Variants in CECR2 observed in about 807,000 individuals in gnomAD.
The protein encoded by CECR2 is chromatin remodeling regulator CECR2.
In CECR2, 30 loss-of-function variants were observed where a neutral mutation model predicts 154.5. That is an observed-to-expected ratio of 0.19 (90% CI 0.15 to 0.26). CECR2 has a LOEUF of 0.26. Among genes scored for constraint, CECR2 ranks in the 10% least tolerant of loss-of-function variants. The pLI is 1.00. For missense variants in CECR2, 1,743 were observed against 1,829.3 expected (o/e 0.95, Z 0.86); for synonymous variants, 725 against 683.7 (o/e 1.06, Z -0.94).
chr22:17,538,095 G>A (rs1249638519), intron 10 of CECR2, among the ~76,000 whole-genome samples: 4 of 152,128 alleles, frequency 2.6e-5, no homozygotes, highest in Admixed American at 6.5e-5. Context: ...GCACACACCC[G>A]TAGTCCCAAC....
intron 1 of CECR2, 152 bp from the exon 2 acceptor site, chr22:17,477,436 A>G: frequency 1.6e-6 from 1 of 625,124 alleles, no homozygotes; most frequent in South Asian, 1.9e-5. Context: ...CTCTTCTCAC[A>G]GTAGCCAGAA....
intron 16 of CECR2, among the ~76,000 whole-genome samples, chr22:17,546,846 C>G (rs2056621801): frequency 6.6e-6 from 1 of 151,882 alleles, no homozygotes; most frequent in Non-Finnish European, 1.5e-5. Context: ...TGAGACCAGC[C>G]TGGCCAACAT....
At chr22:17,412,781 T>C (rs920203422) in intron 1 of CECR2, among the ~76,000 whole-genome samples, 1 of 152,120 alleles carries the variant, frequency 6.6e-6, no homozygotes, top group African/African-American at 2.4e-5. Context: ...GGCGGCCTTC[T>C]GGGTGAGGGG....
At chr22:17,488,593 G>T (rs924205903) in intron 2 of CECR2, among the ~76,000 whole-genome samples, 3 of 152,032 alleles carry the variant, frequency 2.0e-5, no homozygotes, top group African/African-American at 7.2e-5. Flanking sequence ...TTCACATAGT[G>T]CCTGTATGAT....
At chr22:17,491,272 C>A (rs552468827) in intron 2 of CECR2, among the ~76,000 whole-genome samples, 2 of 151,988 alleles carry the variant, frequency 1.3e-5, no homozygotes, top group African/African-American at 4.8e-5. Flanking sequence ...TGCAACTTGG[C>A]GAAACTTCCA....
chr22:17,380,206 A>G (rs767623508), intron 1 of CECR2, among the ~76,000 whole-genome samples: 20 of 152,222 alleles, frequency 1.3e-4, no homozygotes, highest in South Asian at 4.1e-4. Flanking sequence ...TGTGAAGTCA[A>G]TCAGTTCTAC....
upstream of CECR2, among the ~76,000 whole-genome samples, chr22:17,367,974 T>G (rs1437544732): frequency 2.6e-5 from 4 of 152,188 alleles, no homozygotes; most frequent in Non-Finnish European, 4.4e-5. Context: ...ATCAAATAGT[T>G]CCAGGGAATG....
intron 1 of CECR2, among the ~76,000 whole-genome samples, chr22:17,425,188 T>C (rs1170959736): frequency 6.6e-6 from 1 of 152,080 alleles, no homozygotes; most frequent in Non-Finnish European, 1.5e-5. Flanking sequence ...CCTTTTAGCG[T>C]CCAAGTGTAG....
intron 1 of CECR2, among the ~76,000 whole-genome samples, chr22:17,381,129 A>G (rs1043991468): frequency 2.0e-5 from 3 of 152,098 alleles, no homozygotes; most frequent in African/African-American, 7.2e-5. Context: ...TTTAAAGAAA[A>G]AATTTCACCT....
At chr22:17,470,173 C>T (rs532426182) in intron 1 of CECR2, among the ~76,000 whole-genome samples, 3 of 152,112 alleles carry the variant, frequency 2.0e-5, no homozygotes, top group South Asian at 4.2e-4. Context: ...CATGGTGGCT[C>T]ACGCATGTAA....
intron 8 of CECR2, chr22:17,518,589 C>T: frequency 2.9e-6 from 1 of 343,350 alleles, no homozygotes; most frequent in Non-Finnish European, 5.8e-6. Flanking sequence ...TTGCAGCTGT[C>T]ACGTCTATCT....
Position 17,548,995 on chromosome 22 carries a change from C to T in CECR2, c.3708C>T (p.Leu1236=), listed in dbSNP as rs776046779. 6.2e-7 allele frequency: 1 copy of T among 1,614,014 alleles called. No homozygotes were observed. The highest frequency in any genetic ancestry group is 2.2e-5 in the East Asian group (1 of 44,882). ...PASQPPPPRS[L]FSDKNAMASL... is the part of the protein sequence containing the mutation. ...GTCAGCCTCCCCCACCAAGGTCCCT[C>T]TTCTCAGATAAGAATGCCATGGCCA... The change falls in exon 17 of 19, where the codon CTC becomes CTT. Residue 1236 remains leucine, a synonymous_variant. Transcript: ENST00000262608.
In CECR2 at chr22:17,548,147, G is replaced by A. The variant is rs1398169805; in HGVS notation, c.2861-1G>A. The A allele has an allele frequency of 8.8e-6, 13 of 1,474,662 alleles. No individual in the cohort carries two copies. Among genetic ancestry groups the A allele is most frequent in the Non-Finnish European group, 9.0e-6 (10 of 1,108,982 alleles). The allele number at this position is 1,474,662 out of a possible 1,614,324, so 91.3% of individuals were successfully genotyped here. On this transcript the variant is annotated splice_acceptor_variant, in intron 16 of 18. Transcript: ENST00000262608. LOFTEE classifies it high-confidence loss of function. ...TCTCCTCTTTTTTTTTTTTTTTGCA[G>A]CAGAGCCGTTGCCTGGCCTTGAAGA...
intron 2 of CECR2, among the ~76,000 whole-genome samples, chr22:17,497,106 C>G (rs2146869164): frequency 6.6e-6 from 1 of 152,194 alleles, no homozygotes; most frequent in African/African-American, 2.4e-5. Flanking sequence ...ACAGCCTGGG[C>G]AACATAGGGA....
intron 7 of CECR2, 98 bp from the exon 8 acceptor site, chr22:17,511,715 T>G (rs1206512981): frequency 5.0e-6 from 5 of 1,000,824 alleles, no homozygotes; most frequent in Non-Finnish European, 7.7e-6. Context: ...TGTGCCTCAT[T>G]GGCCACTTTT....
At chr22:17,552,241 C>A in intron 18 of CECR2, 99 bp downstream of exon 18, 1 of 1,074,246 alleles carries the variant, frequency 9.3e-7, no homozygotes, top group Non-Finnish European at 1.4e-6. Flanking sequence ...TTTAAGGTAT[C>A]CTGTGGATAC....
At position 17,428,783 on chromosome 22, in the gene CECR2, AAAT is replaced by A. The variant is rs150270730; in HGVS notation, c.127-48801_127-48799del. On this transcript the variant is annotated intron_variant, in intron 1 of 18. Coordinates refer to ENST00000262608, the MANE Select transcript of CECR2 (RefSeq NM_001290047.2). ...GTGAGCTACTGCACCCAGATGAGAA[AAAT>A]AATGTTTTTATTTGTGTGTGTGTGT... is the stretch of plus-strand genomic sequence containing the variant. Among the ~76,000 whole-genome samples the A allele has an allele frequency of 0.012, 1,212 of 103,624 alleles. 63 individuals are homozygous for A. In the East Asian group the frequency reaches 0.2, roughly 17 times the overall value. The allele number at this position is 103,624 out of a possible 152,430, so 68.0% of individuals were successfully genotyped here.
rs368251446 is a variant in CECR2, at chr22:17,548,400, G to A, written c.3113G>A (p.Gly1038Glu). The stretch of plus-strand genomic sequence containing the variant: ...AGCTACCCCGGCCCAGCCGCCCAAG[G>A]GTGCGTGAGAGACCTCTCCACGGTG... ...DSSYPGPAAQ[G>E]CVRDLSTVAD... Residue 1038 changes from glycine to glutamate, a missense_variant, in exon 17 of 19, where the codon GGG (glycine) becomes GAG (glutamate). This residue lies in a region of CECR2 where 1,250 missense variants were observed against 1,192.1 expected (regional missense o/e 1.05). Coordinates refer to ENST00000262608, the MANE Select transcript of CECR2 (RefSeq NM_001290047.2). 24 of 1,613,744 alleles carry A rather than the reference G, an allele frequency of 1.5e-5. No homozygotes were observed. The highest frequency in any genetic ancestry group is 1.9e-5 in the Non-Finnish European group (22 of 1,179,820).
intron 1 of CECR2, among the ~76,000 whole-genome samples, chr22:17,458,443 TAAC>T (rs1257726882): frequency 6.7e-6 from 1 of 148,784 alleles, no homozygotes; most frequent in Non-Finnish European, 1.5e-5. Context: ...TAGAACCACA[TAAC>T]ACACACATGA....
Sources: gnomAD v4.1 joint callset for allele counts (sites outside exome capture counted in the v4.1 genomes callset) on GRCh38, gnomAD v4.1.1 for gene constraint, gnomAD v4.1.1 regional missense constraint, MANE v1.5 for transcripts, NCBI Gene and HGNC (gene_info 2026-07-23, HGNC 2026-07-21) for gene names.